LCLAT1: variants seen among roughly 807,000 people sequenced by gnomAD.
The protein encoded by LCLAT1 is 1-AGP acyltransferase 8.
LCLAT1 carries 11 observed loss-of-function variants against 30.7 expected under a neutral mutation model. The ratio of observed to expected loss-of-function variants is 0.36; its 90% CI spans 0.23 to 0.59. The LOEUF is 0.59. LCLAT1 is among the 20% of genes least tolerant of loss of function. The probability of loss-of-function intolerance (pLI) is 0.77; values close to 1 mark genes in which losing one functional copy is unlikely to be tolerated. For synonymous variants in LCLAT1, 155 were observed against 151.3 expected (o/e 1.02, Z -0.18); for missense variants, 402 against 458.6 (o/e 0.88, Z 1.13).
chr2:30,627,692 C>T (rs1172339230), intron 5 of LCLAT1, among the ~76,000 whole-genome samples: 1 of 151,944 alleles, frequency 6.6e-6, no homozygotes, highest in Non-Finnish European at 1.5e-5. Flanking sequence ...GGATTTCTTT[C>T]TTTTTTCCTT....
intron 1 of LCLAT1, among the ~76,000 whole-genome samples, chr2:30,521,784 C>T (rs1685491915): frequency 6.6e-6 from 1 of 152,006 alleles, no homozygotes; most frequent in South Asian, 2.1e-4. Flanking sequence ...GGATTACAGG[C>T]ATGAGCCACC....
At chr2:30,476,364 T>C (rs536571456) in intron 1 of LCLAT1, 1 of 456,626 alleles carries the variant, frequency 2.2e-6, no homozygotes, top group South Asian at 1.5e-5. Flanking sequence ...AGGAGGTGAA[T>C]GGCAGGACAG....
rs1221520750 is a variant in LCLAT1, at chr2:30,462,443, G to GGGCACAAT, written c.-5+15060_-5+15061insGGCACAAT. Among the ~76,000 whole-genome samples the GGGCACAAT allele has an allele frequency of 7.9e-5, 12 of 152,356 alleles. 1 individual carries two copies. The East Asian group carries it at 1.5e-3, about 20-fold the overall frequency. On this transcript the variant is annotated intron_variant, in intron 1 of 5. Coordinates refer to ENST00000379509, the MANE Select transcript of LCLAT1 (RefSeq NM_001002257.3). ...GCTTCACTAAGCAGGTGTATCTTGAGCTTAGCATTGAAGAGATGGTAGGAT... is the reference window on the plus strand; with the variant it reads ...GCTTCACTAAGCAGGTGTATCTTGAGGGCACAATCTTAGCATTGAAGAGATGGTAGGAT...
intron 1 of LCLAT1, among the ~76,000 whole-genome samples, chr2:30,457,895 C>T (rs1443352864): frequency 6.6e-6 from 1 of 152,138 alleles, no homozygotes; most frequent in Non-Finnish European, 1.5e-5. Flanking sequence ...ATTTTCTTTG[C>T]ATGGTTAGTG....
At chr2:30,520,034 C>T (rs979268128) in intron 1 of LCLAT1, among the ~76,000 whole-genome samples, 8 of 152,180 alleles carry the variant, frequency 5.3e-5, no homozygotes, top group Admixed American at 2.0e-4. Flanking sequence ...CGGCTAAGTG[C>T]GCGGGTTTGT....
intron 1 of LCLAT1, among the ~76,000 whole-genome samples, chr2:30,457,671 C>T (rs566709007): frequency 6.6e-6 from 1 of 152,006 alleles, no homozygotes; most frequent in South Asian, 2.1e-4. Flanking sequence ...TTATTTGTTC[C>T]CTAATTAGAG....
intron 1 of LCLAT1, among the ~76,000 whole-genome samples, chr2:30,450,185 G>T (rs1350678350): frequency 6.6e-6 from 1 of 152,200 alleles, no homozygotes; most frequent in Non-Finnish European, 1.5e-5. Flanking sequence ...ATAATTGTGG[G>T]TACAGAGACC....
intron 1 of LCLAT1, among the ~76,000 whole-genome samples, chr2:30,518,864 C>G (rs1685328743): frequency 6.6e-6 from 1 of 152,210 alleles, no homozygotes; most frequent in Non-Finnish European, 1.5e-5. Flanking sequence ...GGCTAGCCCC[C>G]ATCTATTTGG....
intron 1 of LCLAT1, among the ~76,000 whole-genome samples, chr2:30,505,783 C>T (rs1684631166): frequency 6.6e-6 from 1 of 152,108 alleles, no homozygotes; most frequent in African/African-American, 2.4e-5. Flanking sequence ...AAGAACCATA[C>T]AGCATATACT....
chr2:30,476,970 G>A (rs943979034), intron 1 of LCLAT1, among the ~76,000 whole-genome samples: 1 of 152,134 alleles, frequency 6.6e-6, no homozygotes, highest in African/African-American at 2.4e-5. Context: ...TTGTACATAA[G>A]TTTTGCAGTT....
chr2:30,525,827 C>A, intron 2 of LCLAT1, 72 bp downstream of exon 2: 1 of 1,309,174 alleles, frequency 7.6e-7, no homozygotes, highest in Non-Finnish European at 1.1e-6. Flanking sequence ...TACCTAAATC[C>A]ATGGATGTTC....
At position 30,503,561 on chromosome 2, in the gene LCLAT1, C is replaced by A. The variant is rs115160303; in HGVS notation, c.-4-22026C>A. Among the ~76,000 whole-genome samples, 673 of 152,256 alleles carry A rather than the reference C, an allele frequency of 4.4e-3. 6 individuals are homozygous for A. The Middle Eastern group carries it at 0.048, about 11-fold the overall frequency. ...TTTCACATAATAGAGTTCCACTTAG[C>A]ATGGGTGTATGTGGTTTTAACTTTT... On this transcript the variant is annotated intron_variant, in intron 1 of 5. Coordinates refer to ENST00000379509, the MANE Select transcript of LCLAT1 (RefSeq NM_001002257.3).
chr2:30,515,053 A>C (rs1685118124), intron 1 of LCLAT1, among the ~76,000 whole-genome samples: 1 of 151,050 alleles, frequency 6.6e-6, no homozygotes, highest in Non-Finnish European at 1.5e-5. Flanking sequence ...CACTGCCCCC[A>C]TTGTATACCT....
At chr2:30,496,087 A>G (rs1003705371) in intron 1 of LCLAT1, among the ~76,000 whole-genome samples, 9 of 152,142 alleles carry the variant, frequency 5.9e-5, no homozygotes, top group East Asian at 3.9e-4. Context: ...ATTGCCTTAC[A>G]TGGCTAGAGC....
chr2:30,640,016 T>A, intron 5 of LCLAT1, 101 bp from the exon 6 acceptor site: 2 of 844,722 alleles, frequency 2.4e-6, no homozygotes, highest in Non-Finnish European at 3.8e-6. Context: ...GTTCACACTG[T>A]CCTGATTTTT....
At chr2:30,569,371 GA>G (rs1665668646) in intron 5 of LCLAT1, among the ~76,000 whole-genome samples, 1 of 152,188 alleles carries the variant, frequency 6.6e-6, no homozygotes, top group Non-Finnish European at 1.5e-5. Context: ...CATATATGAA[GA>G]AAAGGTAACT....
chr2:30,547,091 A>G (rs1664459833), intron 3 of LCLAT1, among the ~76,000 whole-genome samples: 1 of 152,144 alleles, frequency 6.6e-6, no homozygotes, highest in African/African-American at 2.4e-5. Context: ...TTTGCTACCT[A>G]CAGTAGGTAA....
intron 5 of LCLAT1, among the ~76,000 whole-genome samples, chr2:30,639,169 G>C (rs1669179056): frequency 6.6e-6 from 1 of 152,172 alleles, no homozygotes; most frequent in Admixed American, 6.5e-5. Context: ...CACTTTTAGT[G>C]TTCCCATCCC....
At chr2:30,560,319 TG>T (rs2148438337) in intron 3 of LCLAT1, among the ~76,000 whole-genome samples, 1 of 149,848 alleles carries the variant, frequency 6.7e-6, no homozygotes, top group Admixed American at 6.6e-5. Context: ...TGTGTGTGTG[TG>T]TGTGTATTAT....
Sources: allele counts gnomAD v4.1 joint callset (sites outside exome capture counted in the v4.1 genomes callset), GRCh38; gene constraint gnomAD v4.1.1; transcripts MANE v1.5; gene names NCBI Gene and HGNC (gene_info 2026-07-23, HGNC 2026-07-21).